The following ITPR2 variants were observed in gnomAD, a reference collection of about 807,000 sequenced individuals.
ITPR2 encodes inositol 1,4,5-trisphosphate receptor type 2, also known as inositol 1,4,5-trisphosphate-gated calcium channel ITPR2.
ITPR2 carries 207 observed loss-of-function variants against 317.1 expected under a neutral mutation model. The observed-to-expected ratio is 0.65, with a 90% confidence interval of 0.58 to 0.73. The LOEUF is 0.73. Ranked by LOEUF, ITPR2 falls within the 30% of genes least tolerant of loss-of-function variation. The pLI is 0.00. For missense variants in ITPR2, 2,613 were observed against 3,284.0 expected (o/e 0.80, Z 4.99); for synonymous variants, 1,156 against 1,149.1 (o/e 1.01, Z -0.12).
In ITPR2 at chr12:26,404,604, A is replaced by C. The variant is rs1417869927; in HGVS notation, c.7400-4346T>G. 4.6e-5 allele frequency among the ~76,000 whole-genome samples: 7 copies of C among 152,276 alleles called. No individual in the cohort carries two copies. In the East Asian group the frequency reaches 1.4e-3, roughly 29 times the overall value. ...GAAAAAGCAGTGCAGAAATTAAAGG[A>C]GAGAGGGTCGGTCAACTGTTTTATA... is the stretch of plus-strand genomic sequence containing the variant. On this transcript the variant is annotated intron_variant, in intron 52 of 56. Coordinates refer to ENST00000381340, the MANE Select transcript of ITPR2 (RefSeq NM_002223.4).
Position 26,597,179 on chromosome 12 carries a change from T to C in ITPR2, c.4003-45A>G, listed in dbSNP as rs150245660. The C allele has an allele frequency of 1.1e-4, 175 of 1,605,196 alleles. No homozygotes were observed. In the East Asian group the frequency reaches 3.7e-3, roughly 34 times the overall value. On this transcript the variant is annotated intron_variant, in intron 30 of 56. Transcript: ENST00000381340. The stretch of plus-strand genomic sequence containing the variant: ...GTCTATGTAGCAGTCCGAACATTCA[T>C]CCTTGCAGTTATTTCCAAAGGCTTG...
intron 54 of ITPR2, among the ~76,000 whole-genome samples, chr12:26,392,713 A>T (rs73284373): frequency 0.05 from 7,646 of 152,288 alleles, 243 homozygotes; most frequent in Non-Finnish European, 0.064. Flanking sequence ...GAAGAAGGAG[A>T]AATCAGTAAT....
intron 2 of ITPR2, among the ~76,000 whole-genome samples, chr12:26,747,353 A>G (rs1949341052): frequency 6.6e-6 from 1 of 152,122 alleles, no homozygotes; most frequent in Non-Finnish European, 1.5e-5. Context: ...TTGGTTCTTC[A>G]CTGATGCCAT....
intron 29 of ITPR2, 95 bp downstream of exon 29, chr12:26,599,892 G>T: frequency 1.1e-6 from 1 of 869,832 alleles, no homozygotes; most frequent in Non-Finnish European, 1.8e-6. Flanking sequence ...AAAAAATGAA[G>T]CAAGGAAGTG....
intron 9 of ITPR2, among the ~76,000 whole-genome samples, chr12:26,707,683 G>A (rs898905081): frequency 1.6e-4 from 25 of 152,052 alleles, no homozygotes; most frequent in East Asian, 3.9e-4. Context: ...ACAGGCACCC[G>A]CCATCATGCC....
intron 9 of ITPR2, among the ~76,000 whole-genome samples, chr12:26,708,417 TA>T (rs1377840829): frequency 6.6e-6 from 1 of 152,094 alleles, no homozygotes; most frequent in Non-Finnish European, 1.5e-5. Context: ...TATTCAGCCA[TA>T]AAAAAGAACG....
At chr12:26,596,268 T>C (rs753734211) in intron 31 of ITPR2, among the ~76,000 whole-genome samples, 3 of 152,218 alleles carry the variant, frequency 2.0e-5, no homozygotes, top group Non-Finnish European at 4.4e-5. Context: ...AAGTAAACCT[T>C]TCAGTTTGAT....
At chr12:26,591,835 CA>C (rs35015873) in intron 32 of ITPR2, among the ~76,000 whole-genome samples, 151 of 141,890 alleles carry the variant, frequency 1.1e-3, no homozygotes, top group African/African-American at 1.6e-3. Flanking sequence ...GACTCTATCT[CA>C]AAAAAAAAAA....
At chr12:26,588,862 C>T (rs1308651696) in intron 32 of ITPR2, among the ~76,000 whole-genome samples, 1 of 152,180 alleles carries the variant, frequency 6.6e-6, no homozygotes, top group African/African-American at 2.4e-5. Context: ...TCTGCTAGTA[C>T]ATCACTTAGA....
At chr12:26,657,588 T>C (rs1947399851) in intron 18 of ITPR2, 119 bp downstream of exon 18, 3 of 749,698 alleles carry the variant, frequency 4.0e-6, no homozygotes, top group East Asian at 4.9e-5. Flanking sequence ...GCTACCCTAG[T>C]TCTGACATGA....
chr12:26,340,154 T>C lies in ITPR2; in HGVS notation c.8019+13A>G. 1 of 1,589,904 alleles carries C rather than the reference T, an allele frequency of 6.3e-7. No individual in the cohort carries two copies. On this transcript the variant is annotated intron_variant, in intron 56 of 56. Transcript: ENST00000381340. ...TTTATCCCACCCAGCCCCATCTCCCTGAATGCACCCACCTGCTCCTTGAGC... is the reference window on the plus strand; with the variant it reads ...TTTATCCCACCCAGCCCCATCTCCCCGAATGCACCCACCTGCTCCTTGAGC...
intron 15 of ITPR2, among the ~76,000 whole-genome samples, chr12:26,662,223 A>T (rs529972252): frequency 4.6e-5 from 7 of 152,332 alleles, no homozygotes; most frequent in African/African-American, 1.4e-4. Flanking sequence ...AAATGTTCAA[A>T]CTACCAAGAT....
intron 36 of ITPR2, among the ~76,000 whole-genome samples, chr12:26,553,144 G>A (rs1205677553): frequency 6.6e-6 from 1 of 152,108 alleles, no homozygotes; most frequent in Admixed American, 6.5e-5. Flanking sequence ...AAATTAGCTG[G>A]TTGCGTCTAC....
intron 55 of ITPR2, among the ~76,000 whole-genome samples, chr12:26,366,649 G>A (rs1372503473): frequency 6.6e-6 from 1 of 152,142 alleles, no homozygotes; most frequent in East Asian, 1.9e-4. Flanking sequence ...CAGGAGGGAA[G>A]GACCCCCTTG....
intron 1 of ITPR2, among the ~76,000 whole-genome samples, chr12:26,824,204 A>G (rs1374090297): frequency 6.6e-6 from 1 of 152,196 alleles, no homozygotes; most frequent in Non-Finnish European, 1.5e-5. Flanking sequence ...TGAATATCTC[A>G]TGTAATTTAT....
In ITPR2 at chr12:26,487,167, T is replaced by C; in HGVS notation, c.5455A>G (p.Lys1819Glu). ...ACTGTCACTGTTGATCTTATTTCTTTCTGAGCAGCCTTCATTCGATCATAG... is the reference window on the plus strand; with the variant it reads ...ACTGTCACTGTTGATCTTATTTCTTCCTGAGCAGCCTTCATTCGATCATAG... ...VLYDRMKAAQ[K>E]EIRSTVTVNT... The change falls in exon 40 of 57, where the codon AAA (lysine) becomes GAA (glutamate). Residue 1819 changes from lysine (K) to glutamate (E), a missense_variant. Coordinates refer to ENST00000381340, the MANE Select transcript of ITPR2 (RefSeq NM_002223.4). 1.2e-6 allele frequency: 2 copies of C among 1,613,530 alleles called. No homozygotes were observed. Among genetic ancestry groups the C allele is most frequent in the South Asian group, 1.1e-5 (1 of 91,036 alleles).
At chr12:26,641,316 C>G (rs1055872362) in intron 21 of ITPR2, among the ~76,000 whole-genome samples, 2 of 151,720 alleles carry the variant, frequency 1.3e-5, no homozygotes, top group African/African-American at 4.8e-5. Context: ...TAGATATGTA[C>G]TACATTGTGC....
intron 2 of ITPR2, among the ~76,000 whole-genome samples, chr12:26,736,291 C>A (rs1045272351): frequency 6.6e-6 from 1 of 152,148 alleles, no homozygotes; most frequent in East Asian, 1.9e-4. Flanking sequence ...CACCTTTTAG[C>A]TTACCAACGA....
chr12:26,667,427 A>G (rs1424839010), intron 13 of ITPR2, among the ~76,000 whole-genome samples: 1 of 152,192 alleles, frequency 6.6e-6, no homozygotes, highest in Non-Finnish European at 1.5e-5. Context: ...TGCCTATTTT[A>G]AATTGTAACC....
Sources: gnomAD v4.1 joint callset for allele counts (sites outside exome capture counted in the v4.1 genomes callset) on GRCh38, gnomAD v4.1.1 for gene constraint, MANE v1.5 for transcripts, NCBI Gene and HGNC (gene_info 2026-07-23, HGNC 2026-07-21) for gene names.